Variants in CSMD1 observed in about 807,000 individuals in gnomAD.
CSMD1 encodes the protein CUB and Sushi multiple domains 1, also known as CUB and sushi domain-containing protein 1.
CSMD1 carries 213 observed loss-of-function variants against 417.5 expected under a neutral mutation model. That is an observed-to-expected ratio of 0.51 (90% confidence interval 0.46 to 0.57). The LOEUF (loss-of-function observed/expected upper bound fraction) is 0.57, where lower values mean the gene tolerates loss of function less well. CSMD1 is among the 20% of genes least tolerant of loss of function. The pLI, the probability that CSMD1 is intolerant of heterozygous loss-of-function variation, is 0.00. For missense variants in CSMD1, 6,923 were observed against 4,529.7 expected (o/e 1.53, Z -15.17); for synonymous variants, 2,862 against 1,736.8 (o/e 1.65, Z -16.11).
In CSMD1 at chr8:3,737,426, T is replaced by C. The variant is rs529497038; in HGVS notation, c.931+16504A>G. Among the ~76,000 whole-genome samples the C allele has an allele frequency of 2.6e-5, 4 of 152,216 alleles. No individual in the cohort carries two copies. The East Asian group carries it at 7.7e-4, about 29-fold the overall frequency. ...CTTTTACTGATAAAGAAATGCAAAT[T>C]ATTTTAGAATTAAAGTTACAGAAAA... On this transcript the variant is annotated intron_variant, in intron 6 of 69. Transcript: ENST00000635120.
chr8:3,507,411 A>G (rs2117376017), intron 10 of CSMD1, among the ~76,000 whole-genome samples: 1 of 152,278 alleles, frequency 6.6e-6, no homozygotes, highest in East Asian at 1.9e-4. Context: ...TCATTGTTGG[A>G]CATTTGGGTT....
At chr8:3,031,413 G>C (rs920996196) in intron 50 of CSMD1, among the ~76,000 whole-genome samples, 3 of 151,962 alleles carry the variant, frequency 2.0e-5, no homozygotes, top group Non-Finnish European at 4.4e-5. Flanking sequence ...ATGTATACAT[G>C]TGTAACAAAC....
intron 5 of CSMD1, among the ~76,000 whole-genome samples, chr8:3,844,189 C>A (rs1273632008): frequency 6.6e-6 from 1 of 152,076 alleles, no homozygotes; most frequent in Non-Finnish European, 1.5e-5. Flanking sequence ...ATTTTTATTT[C>A]CTCTTTAAGA....
chr8:4,720,546 T>G (rs756733189), intron 1 of CSMD1, among the ~76,000 whole-genome samples: 1 of 152,138 alleles, frequency 6.6e-6, no homozygotes, highest in East Asian at 1.9e-4. Flanking sequence ...GCCCCCTGAA[T>G]AGCTGAGATT....
At chr8:4,501,422 G>C (rs1802253855) in intron 2 of CSMD1, among the ~76,000 whole-genome samples, 1 of 152,108 alleles carries the variant, frequency 6.6e-6, no homozygotes, top group Non-Finnish European at 1.5e-5. Context: ...GCAAAGGGAA[G>C]ACTTTGAAGA....
intron 3 of CSMD1, among the ~76,000 whole-genome samples, chr8:4,269,971 C>G (rs1342501578): frequency 6.6e-6 from 1 of 152,126 alleles, no homozygotes; most frequent in Admixed American, 6.6e-5. Context: ...TGAGGCACAG[C>G]AAAATGTTGA....
chr8:4,090,082 C>A (rs757526591), intron 3 of CSMD1, among the ~76,000 whole-genome samples: 2 of 152,184 alleles, frequency 1.3e-5, no homozygotes, highest in African/African-American at 2.4e-5. Flanking sequence ...CAAAACTTAA[C>A]TTACACTTAA....
intron 1 of CSMD1, among the ~76,000 whole-genome samples, chr8:4,895,994 C>G (rs1804455383): frequency 6.6e-6 from 1 of 151,996 alleles, no homozygotes. Context: ...TGCCATCCTC[C>G]CCTAACCATT....
chr8:3,578,394 A>G (rs1800241651), intron 9 of CSMD1, among the ~76,000 whole-genome samples: 1 of 149,172 alleles, frequency 6.7e-6, no homozygotes, highest in Non-Finnish European at 1.5e-5. Context: ...TTAGACGGGA[A>G]GGGCACAGCA....
intron 2 of CSMD1, among the ~76,000 whole-genome samples, chr8:4,558,982 T>G (rs1798212984): frequency 6.6e-6 from 1 of 152,228 alleles, no homozygotes; most frequent in Non-Finnish European, 1.5e-5. Context: ...TGAACTGGCT[T>G]AAGGCAGTAT....
intron 3 of CSMD1, among the ~76,000 whole-genome samples, chr8:4,181,640 T>C (rs1798382912): frequency 6.6e-6 from 1 of 152,182 alleles, no homozygotes; most frequent in South Asian, 2.1e-4. Context: ...TTCCATTGCC[T>C]GTAAGAAAAG....
At chr8:3,483,850 T>G in intron 11 of CSMD1, among the ~76,000 whole-genome samples, 1 of 152,152 alleles carries the variant, frequency 6.6e-6, no homozygotes, top group Non-Finnish European at 1.5e-5. Context: ...AAAAAATCAA[T>G]CAATGTCATC....
At chr8:3,346,031 G>A (rs1489188182) in intron 22 of CSMD1, among the ~76,000 whole-genome samples, 1 of 152,114 alleles carries the variant, frequency 6.6e-6, no homozygotes, top group Non-Finnish European at 1.5e-5. Context: ...TTACATCACA[G>A]TATGTGCGAA....
intron 5 of CSMD1, among the ~76,000 whole-genome samples, chr8:3,978,035 C>G (rs139503306): frequency 3.6e-4 from 55 of 152,300 alleles, no homozygotes; most frequent in African/African-American, 1.3e-3. Context: ...GCTTGTCCAT[C>G]TCATAGCTTC....
intron 5 of CSMD1, among the ~76,000 whole-genome samples, chr8:3,987,605 C>A (rs182002666): frequency 1.3e-5 from 2 of 152,192 alleles, no homozygotes; most frequent in South Asian, 2.1e-4. Flanking sequence ...CACTCTAAGG[C>A]CAATTCTGAG....
chr8:4,068,671 G>C (rs192652822), intron 3 of CSMD1, among the ~76,000 whole-genome samples: 2 of 152,068 alleles, frequency 1.3e-5, no homozygotes, highest in African/African-American at 2.4e-5. Context: ...AAATGGAAAA[G>C]ATAAAACTAT....
intron 5 of CSMD1, among the ~76,000 whole-genome samples, chr8:3,948,947 T>A (rs1035051034): frequency 6.6e-6 from 1 of 152,122 alleles, no homozygotes; most frequent in Non-Finnish European, 1.5e-5. Context: ...TAACTGAGGA[T>A]GGGCTACTGG....
intron 6 of CSMD1, among the ~76,000 whole-genome samples, chr8:3,728,386 G>A (rs1268987883): frequency 6.6e-6 from 1 of 152,130 alleles, no homozygotes; most frequent in Non-Finnish European, 1.5e-5. Context: ...ACCCAGTATT[G>A]GGTATGTCTT....
intron 26 of CSMD1, among the ~76,000 whole-genome samples, chr8:3,242,855 A>T (rs28794552): frequency 2.0e-5 from 3 of 151,766 alleles, no homozygotes; most frequent in Non-Finnish European, 4.4e-5. Context: ...AGGGCGCAGA[A>T]ATAAGGGATC....
Sources: gnomAD v4.1 joint callset for allele counts (sites outside exome capture counted in the v4.1 genomes callset) on GRCh38, gnomAD v4.1.1 for gene constraint, MANE v1.5 for transcripts, NCBI Gene and HGNC (gene_info 2026-07-23, HGNC 2026-07-21) for gene names.